The following CCDC38 variants were observed in gnomAD, a reference collection of about 807,000 sequenced individuals.
The protein encoded by CCDC38 is coiled-coil domain containing 38, also known as coiled-coil domain-containing protein 38.
CCDC38 carries 69 observed loss-of-function variants against 72.8 expected under a neutral mutation model. The ratio of observed to expected loss-of-function variants is 0.95; its 90% CI spans 0.78 to 1.16. CCDC38 has a LOEUF of 1.16. Among genes scored for constraint, CCDC38 ranks in the 50% most tolerant of loss-of-function variants. The probability of loss-of-function intolerance (pLI) is 0.00; values close to 1 mark genes in which losing one functional copy is unlikely to be tolerated. For missense variants in CCDC38, 626 were observed against 638.9 expected (o/e 0.98, Z 0.22); for synonymous variants, 201 against 213.2 (o/e 0.94, Z 0.50).
At chr12:95,885,695 TAGA>T (rs1417048291) in intron 10 of CCDC38, 1 of 152,984 alleles carries the variant, frequency 6.5e-6, no homozygotes, top group Admixed American at 6.5e-5. Flanking sequence ...ACTCAAAACA[TAGA>T]AGAACAAGAG....
intron 2 of CCDC38, among the ~76,000 whole-genome samples, chr12:95,929,880 C>T (rs565926594): frequency 1.3e-5 from 2 of 152,200 alleles, no homozygotes; most frequent in East Asian, 3.9e-4. Flanking sequence ...AGGGGAGAAT[C>T]CTTCCACAGT....
At chr12:95,925,585 G>A (rs2080260704) in intron 2 of CCDC38, among the ~76,000 whole-genome samples, 1 of 152,206 alleles carries the variant, frequency 6.6e-6, no homozygotes, top group South Asian at 2.1e-4. Context: ...ATGTTGAATA[G>A]TAGTGGTGAG....
At chr12:95,934,993 G>T (rs1035050010) in intron 2 of CCDC38, 2 of 152,148 alleles carry the variant, frequency 1.3e-5, no homozygotes, top group Non-Finnish European at 2.9e-5. Context: ...GGGTGACAGA[G>T]AAGCTGTCTG....
At chr12:95,933,670 T>C (rs919838439) in intron 2 of CCDC38, 7 of 152,232 alleles carry the variant, frequency 4.6e-5, no homozygotes, top group African/African-American at 1.7e-4. Context: ...TCAGCAATTC[T>C]ATTCCTAGGT....
intron 5 of CCDC38, among the ~76,000 whole-genome samples, chr12:95,902,602 T>C (rs2079961440): frequency 6.6e-6 from 1 of 152,208 alleles, no homozygotes; most frequent in Non-Finnish European, 1.5e-5. Context: ...TATACCCCAG[T>C]TTGGTTACCC....
intron 1 of CCDC38, among the ~76,000 whole-genome samples, chr12:95,937,849 C>G (rs781082164): frequency 7.2e-5 from 11 of 152,140 alleles, no homozygotes; most frequent in Non-Finnish European, 1.5e-4. Flanking sequence ...GGGGACAGGG[C>G]AATTTTTAAA....
intron 2 of CCDC38, chr12:95,934,174 C>A (rs927897892): frequency 6.6e-6 from 1 of 151,824 alleles, no homozygotes; most frequent in African/African-American, 2.4e-5. Flanking sequence ...CAGTATAAAA[C>A]TATACATACA....
chr12:95,933,619 G>A (rs908270602), intron 2 of CCDC38: 8 of 152,178 alleles, frequency 5.3e-5, no homozygotes, highest in African/African-American at 1.4e-4. Flanking sequence ...AAAACACTTT[G>A]ACATTATTAT....
At chr12:95,890,279 G>A (rs995357865) in intron 9 of CCDC38, among the ~76,000 whole-genome samples, 3 of 152,328 alleles carry the variant, frequency 2.0e-5, no homozygotes, top group Admixed American at 2.0e-4. Context: ...GCCAGATAGC[G>A]CAGCCCAGTG....
intron 8 of CCDC38, 109 bp from the exon 9 acceptor site, chr12:95,891,039 T>C (rs2079821138): frequency 1.7e-6 from 1 of 604,362 alleles, no homozygotes; most frequent in Admixed American, 2.8e-5. Flanking sequence ...TTGTCAAAAC[T>C]TCCAGGGACA....
At chr12:95,938,794 C>A (rs562257592) in intron 1 of CCDC38, among the ~76,000 whole-genome samples, 1 of 151,922 alleles carries the variant, frequency 6.6e-6, no homozygotes, top group Non-Finnish European at 1.5e-5. Context: ...CTTTGTTGTG[C>A]GAAATAAAAA....
At chr12:95,930,443 G>A (rs752996551) in intron 2 of CCDC38, among the ~76,000 whole-genome samples, 3 of 152,106 alleles carry the variant, frequency 2.0e-5, no homozygotes, top group Non-Finnish European at 4.4e-5. Context: ...TCCTTGGATT[G>A]TAGATCCATC....
intron 13 of CCDC38, among the ~76,000 whole-genome samples, chr12:95,874,395 C>T (rs927888064): frequency 6.6e-6 from 1 of 152,094 alleles, no homozygotes; most frequent in Non-Finnish European, 1.5e-5. Context: ...TCTACACCAC[C>T]ACCCCCTCCC....
intron 5 of CCDC38, among the ~76,000 whole-genome samples, chr12:95,905,034 T>C (rs1052068481): frequency 1.3e-5 from 2 of 152,210 alleles, no homozygotes; most frequent in Non-Finnish European, 2.9e-5. Context: ...TAAAATGGAA[T>C]AGTATTTGCA....
intron 13 of CCDC38, among the ~76,000 whole-genome samples, chr12:95,876,876 T>TA: frequency 6.6e-6 from 1 of 152,174 alleles, no homozygotes; most frequent in East Asian, 1.9e-4. Flanking sequence ...CAAGCCTCCT[T>TA]AACAACTGTT....
rs537707764 is a variant in CCDC38, at chr12:95,890,923, T to G, written c.780A>C (p.Ser260=). Residue 260 remains serine (S), a synonymous_variant, in exon 9 of 16, where the codon TCA becomes TCC. Transcript: ENST00000344280. ...IILPKILAKL[S]LHSSNKEGIL... The stretch of plus-strand genomic sequence containing the variant: ...TGCCTTCCTTGTTACTTGAATGTAA[T>G]GATAATTCTAGAAATGGCAAATGAA... 6.3e-7 allele frequency: 1 copy of G among 1,578,222 alleles called. No homozygotes were observed. The highest frequency in any genetic ancestry group is 8.7e-7 in the Non-Finnish European group (1 of 1,152,616).
At chr12:95,929,007 G>A (rs933681164) in intron 2 of CCDC38, among the ~76,000 whole-genome samples, 6 of 152,162 alleles carry the variant, frequency 3.9e-5, no homozygotes, top group Admixed American at 3.3e-4. Context: ...TCTGTGCCCT[G>A]CCCCCAGAGG....
At position 95,869,464 on chromosome 12, in the gene CCDC38, TA is replaced by T; in HGVS notation, c.1578+15del. The T allele has an allele frequency of 6.3e-7, 1 of 1,599,300 alleles. No individual in the cohort carries two copies. The highest frequency in any genetic ancestry group is 8.6e-7 in the Non-Finnish European group (1 of 1,168,362). On this transcript the variant is annotated intron_variant, in intron 15 of 15. Coordinates refer to ENST00000344280, the MANE Select transcript of CCDC38 (RefSeq NM_182496.3). ...CACATATTGATATGGCTGGATCTAT[TA>T]ATAGCAAAACAAACCTTTTTCTTTG... is the stretch of plus-strand genomic sequence containing the variant.
At chr12:95,910,302 T>TACACACACAC (rs141853582) in intron 4 of CCDC38, among the ~76,000 whole-genome samples, 156 of 148,422 alleles carry the variant, frequency 1.1e-3, no homozygotes, top group African/African-American at 1.8e-3. Context: ...CCATTTACAT[T>TACACACACAC]ACACACACAC....
Sources: allele counts gnomAD v4.1 joint callset (sites outside exome capture counted in the v4.1 genomes callset), GRCh38; gene constraint gnomAD v4.1.1; transcripts MANE v1.5; gene names NCBI Gene and HGNC (gene_info 2026-07-23, HGNC 2026-07-21).